SLC30A9: variants seen among roughly 807,000 people sequenced by gnomAD.
The protein encoded by SLC30A9 is proton-coupled zinc antiporter SLC30A9, mitochondrial.
SLC30A9 carries 58 observed loss-of-function variants against 87.5 expected under a neutral mutation model. The ratio of observed to expected loss-of-function variants is 0.66; its 90% confidence interval spans 0.54 to 0.82. The LOEUF is 0.82. SLC30A9 is among the 40% of genes least tolerant of loss of function. The pLI is 0.00. For synonymous variants in SLC30A9, 234 were observed against 233.0 expected, an observed-to-expected ratio of 1.00 and a Z score of -0.04; for missense variants, 557 against 679.1, an observed-to-expected ratio of 0.82 and a Z score of 2.00.
chr4:42,058,430 A>T (rs545495105), intron 9 of SLC30A9, among the ~76,000 whole-genome samples: 2 of 152,172 alleles, frequency 1.3e-5, no homozygotes, highest in Non-Finnish European at 2.9e-5. Flanking sequence ...ACATTTTCCT[A>T]TCTTTTTCTG....
chr4:42,023,573 A>G (rs769368525), intron 6 of SLC30A9, among the ~76,000 whole-genome samples, 189 bp downstream of exon 6: 1 of 152,198 alleles, frequency 6.6e-6, no homozygotes, highest in Non-Finnish European at 1.5e-5. Flanking sequence ...TTTCTCCTGT[A>G]TAGCTTTTTG....
At chr4:42,040,838 G>A (rs1716895540) in intron 8 of SLC30A9, among the ~76,000 whole-genome samples, 1 of 150,966 alleles carries the variant, frequency 6.6e-6, no homozygotes, top group Admixed American at 6.6e-5. Flanking sequence ...AGGAAAAAGT[G>A]CCTGCAGAGG....
chr4:42,058,629 A>G (rs1298432569), intron 9 of SLC30A9, among the ~76,000 whole-genome samples: 4 of 152,330 alleles, frequency 2.6e-5, no homozygotes, highest in Admixed American at 2.0e-4. Flanking sequence ...TGGACTTACA[A>G]TTTCACATGG....
intron 6 of SLC30A9, among the ~76,000 whole-genome samples, chr4:42,033,098 C>G (rs1468911202): frequency 6.6e-6 from 1 of 152,062 alleles, no homozygotes; most frequent in Non-Finnish European, 1.5e-5. Flanking sequence ...TAAAATTTTT[C>G]TATATAGAAA....
At chr4:41,996,447 T>C (rs888739431) in intron 1 of SLC30A9, among the ~76,000 whole-genome samples, 2 of 151,992 alleles carry the variant, frequency 1.3e-5, no homozygotes, top group African/African-American at 4.8e-5. Context: ...TTTTAAAATA[T>C]CACTCTGGCC....
chr4:41,993,968 C>T (rs1714574624), intron 1 of SLC30A9, among the ~76,000 whole-genome samples: 1 of 152,050 alleles, frequency 6.6e-6, no homozygotes, highest in African/African-American at 2.4e-5. Flanking sequence ...ACCAGCCTGG[C>T]CAACATGGTG....
At chr4:42,072,048 T>A (rs547469013) in intron 15 of SLC30A9, among the ~76,000 whole-genome samples, 111 of 152,342 alleles carry the variant, frequency 7.3e-4, no homozygotes, top group African/African-American at 2.6e-3. Context: ...TACTTCTAAT[T>A]TACCTAATTT....
intron 7 of SLC30A9, among the ~76,000 whole-genome samples, chr4:42,037,478 A>G (rs2153137267): frequency 6.6e-6 from 1 of 151,950 alleles, no homozygotes; most frequent in African/African-American, 2.4e-5. Flanking sequence ...ATAGTACTTC[A>G]GAGAATTGGA....
chr4:42,074,042 C>G (rs2153140844), intron 15 of SLC30A9, among the ~76,000 whole-genome samples: 1 of 151,620 alleles, frequency 6.6e-6, no homozygotes, highest in South Asian at 2.1e-4. Context: ...TCTGTGAAGA[C>G]TAAAGTAGAA....
chr4:41,991,092 G>A (rs1311729713), intron 1 of SLC30A9, among the ~76,000 whole-genome samples: 1 of 152,280 alleles, frequency 6.6e-6, no homozygotes, highest in Admixed American at 6.5e-5. Flanking sequence ...CTCCGCGGTT[G>A]GAAATTGCGG....
intron 6 of SLC30A9, among the ~76,000 whole-genome samples, chr4:42,023,614 T>C (rs1171813221): frequency 6.6e-6 from 1 of 152,226 alleles, no homozygotes; most frequent in Non-Finnish European, 1.5e-5. Context: ...AGCTACAGTT[T>C]ATCATTTTTA....
At chr4:42,046,210 A>G (rs1717145420) in intron 8 of SLC30A9, among the ~76,000 whole-genome samples, 1 of 152,236 alleles carries the variant, frequency 6.6e-6, no homozygotes, top group African/African-American at 2.4e-5. Context: ...CTCCTATTCA[A>G]CATAGTATTG....
At chr4:42,005,586 A>G (rs1196996978) in intron 2 of SLC30A9, among the ~76,000 whole-genome samples, 1 of 152,192 alleles carries the variant, frequency 6.6e-6, no homozygotes, top group Non-Finnish European at 1.5e-5. Context: ...CTGGTCTTCC[A>G]TGCCCGTTGT....
rs1175823228 is a variant in SLC30A9, at chr4:42,090,428, T to G, written c.*4302T>G. 2 of 152,242 alleles carry G rather than the reference T, an allele frequency of 1.3e-5. No individual in the cohort carries two copies. The allele number at this position is 152,242 out of a possible 1,614,324, so 9.4% of individuals were successfully genotyped here. ...CTGGTCCCTCAGGATACTTTTTCCCTTAATAAATGTCATATGTAAATAAAG... is the reference window on the plus strand; with the variant it reads ...CTGGTCCCTCAGGATACTTTTTCCCGTAATAAATGTCATATGTAAATAAAG... On this transcript the variant is annotated 3_prime_UTR_variant, in exon 18 of 18. Coordinates refer to ENST00000264451, the MANE Select transcript of SLC30A9 (RefSeq NM_006345.4).
At chr4:42,015,158 C>T (rs1190983126) in intron 2 of SLC30A9, among the ~76,000 whole-genome samples, 2 of 152,142 alleles carry the variant, frequency 1.3e-5, no homozygotes, top group South Asian at 2.1e-4. Flanking sequence ...CAAAATACCT[C>T]ATGTACCCCA....
chr4:42,073,324 T>C (rs1718391009), intron 15 of SLC30A9, among the ~76,000 whole-genome samples: 1 of 152,200 alleles, frequency 6.6e-6, no homozygotes, highest in East Asian at 1.9e-4. Context: ...ATAAGTAATG[T>C]CTAAAAAAGA....
rs781306246 is a variant in SLC30A9, at chr4:42,020,365, CAT to C, written c.335-50_335-49del. The C allele has an allele frequency of 2.3e-5, 20 of 855,328 alleles. No individual in the cohort carries two copies. In the African/African-American group the frequency reaches 2.4e-4, roughly 10 times the overall value. The allele number at this position is 855,328 out of a possible 1,614,324, so 53.0% of individuals were successfully genotyped here. On this transcript the variant is annotated intron_variant, in intron 3 of 17. Coordinates refer to ENST00000264451, the MANE Select transcript of SLC30A9 (RefSeq NM_006345.4). ...AAGTATCAGCCTATATTCATCTTCA[CAT>C]GTGACTTTCAATGTGCATATTTATT...
At position 42,082,216 on chromosome 4, in the gene SLC30A9, C is replaced by CA. The variant is rs372152135; in HGVS notation, c.1663-3852dup. Among the ~76,000 whole-genome samples, 1,003 of 136,476 alleles carry CA rather than the reference C, an allele frequency of 7.3e-3. 10 individuals carry two copies. Among genetic ancestry groups the CA allele is most frequent in the African/African-American group, 0.027 (817 of 30,460 alleles). The allele number at this position is 136,476 out of a possible 152,430, so 89.5% of individuals were successfully genotyped here. ...TGGGTGACAAACCGAGACTCCGTCT[C>CA]AAAAAAAAAAAAAATAAATAAATAA... On this transcript the variant is annotated intron_variant, in intron 17 of 17. Coordinates refer to ENST00000264451, the MANE Select transcript of SLC30A9 (RefSeq NM_006345.4).
chr4:42,035,469 A>T, intron 7 of SLC30A9, 136 bp downstream of exon 7: 1 of 930,378 alleles, frequency 1.1e-6, no homozygotes, highest in Middle Eastern at 3.0e-4. Context: ...ACTGAATTAT[A>T]GTCAATTCAT....
Sources: allele counts gnomAD v4.1 joint callset (sites outside exome capture counted in the v4.1 genomes callset), GRCh38; gene constraint gnomAD v4.1.1; transcripts MANE v1.5; gene names NCBI Gene and HGNC (gene_info 2026-07-23, HGNC 2026-07-21).